FOXM1: variants seen among roughly 807,000 people sequenced by gnomAD.
FOXM1 encodes forkhead box M1, also known as forkhead box protein M1.
Under a neutral mutation model 63.6 loss-of-function variants are expected in FOXM1, and 25 were observed. The observed-to-expected ratio is 0.39, with a 90% CI of 0.29 to 0.55. The LOEUF is 0.55. Ranked by LOEUF, FOXM1 falls within the 20% of genes least tolerant of loss-of-function variation. The pLI, the probability that FOXM1 is intolerant of heterozygous loss-of-function variation, is 0.60. For synonymous variants in FOXM1, 387 were observed against 376.9 expected (o/e 1.03, Z -0.31); for missense variants, 879 against 958.7 (o/e 0.92, Z 1.10).
chr12:2,871,961 T>C (rs1165090686), intron 3 of FOXM1, 135 bp downstream of exon 3: 2 of 940,200 alleles, frequency 2.1e-6, no homozygotes, highest in Non-Finnish European at 3.4e-6. Flanking sequence ...TCAAAAGTTA[T>C]GCAGAATAGC....
intron 4 of FOXM1, among the ~76,000 whole-genome samples, chr12:2,867,755 C>T (rs2098125985): frequency 6.6e-6 from 1 of 150,804 alleles, no homozygotes; most frequent in Non-Finnish European, 1.5e-5. Flanking sequence ...ACGGGTGGAT[C>T]ATTTGAGGTT....
At chr12:2,871,946 A>G (rs2098133915) in intron 3 of FOXM1, 150 bp downstream of exon 3, 2 of 871,582 alleles carry the variant, frequency 2.3e-6, no homozygotes, top group South Asian at 2.8e-5. Context: ...AGGCAGAAAA[A>G]TAGCTCAAAA....
intron 1 of FOXM1, chr12:2,876,343 A>C (rs942565198): frequency 2.6e-5 from 4 of 151,872 alleles, no homozygotes; most frequent in African/African-American, 7.3e-5. Context: ...CTCTTTTTCC[A>C]CAGGATATCT....
Position 2,864,620 on chromosome 12 carries a change from G to T in FOXM1, c.1090+63C>A, listed in dbSNP as rs941327983. 17 of 1,591,650 alleles carry T rather than the reference G, an allele frequency of 1.1e-5. No homozygotes were observed. The highest frequency in any genetic ancestry group is 1.5e-5 in the Non-Finnish European group (17 of 1,159,988). Reference sequence around the variant, plus strand: ...AGGTGGGAACAGAATCCCAGAGTCTGGTTCCCTAAAGATATGGCCCCAGAA... The same window carrying T: ...AGGTGGGAACAGAATCCCAGAGTCTTGTTCCCTAAAGATATGGCCCCAGAA... On this transcript the variant is annotated intron_variant, in intron 7 of 8. Transcript: ENST00000359843. The surrounding 1 kb of genome is among the most constrained non-coding windows in gnomAD (Gnocchi z 5.1).
At chr12:2,863,193 A>G (rs1314855836) in intron 8 of FOXM1, among the ~76,000 whole-genome samples, 1 of 151,912 alleles carries the variant, frequency 6.6e-6, no homozygotes, top group Non-Finnish European at 1.5e-5. Context: ...ACTGCTAAAC[A>G]CCCTTCAGTG....
chr12:2,871,691 C>T (rs1312175151), intron 3 of FOXM1, among the ~76,000 whole-genome samples: 1 of 151,996 alleles, frequency 6.6e-6, no homozygotes, highest in African/African-American at 2.4e-5. Context: ...ATATAACTGA[C>T]TTTATCTGCT....
At chr12:2,870,514 T>C (rs1047553344) in intron 3 of FOXM1, among the ~76,000 whole-genome samples, 6 of 151,392 alleles carry the variant, frequency 4.0e-5, no homozygotes, top group African/African-American at 1.2e-4. Flanking sequence ...AATAAAAAAA[T>C]TAGCCGGGCG....
rs202090024 is a variant in FOXM1 at position 2,859,097 on chromosome 12, G to C, written c.1833C>G (p.Thr611=). 3.7e-6 allele frequency: 6 copies of C among 1,606,858 alleles called. No homozygotes were observed. Among genetic ancestry groups the C allele is most frequent in the Non-Finnish European group, 5.1e-6 (6 of 1,177,384 alleles). Residue 611 remains threonine (T), a synonymous_variant, in exon 9 of 9, where the codon ACC becomes ACG. Coordinates refer to ENST00000359843, the MANE Select transcript of FOXM1 (RefSeq NM_021953.4). ...TTCTGGGGAGGACAGATTTGCTCGG[G>C]GTGGAGGAGATGGGCAGCGTTTCCT... ...PIKETLPISS[T]PSKSVLPRTP...
chr12:2,862,932 G>A (rs887990898), intron 8 of FOXM1, among the ~76,000 whole-genome samples: 26 of 151,962 alleles, frequency 1.7e-4, no homozygotes, highest in African/African-American at 6.0e-4. Context: ...AGGGGATGGG[G>A]GAAGCTTTTC....
At chr12:2,875,056 G>A (rs1285114478) in intron 1 of FOXM1, among the ~76,000 whole-genome samples, 1 of 144,930 alleles carries the variant, frequency 6.9e-6, no homozygotes, top group Non-Finnish European at 1.5e-5. Flanking sequence ...GCAGTGGCAC[G>A]ATCTCAGTTC....
rs933135842 is a variant in FOXM1 at position 2,859,668 on chromosome 12, A to G, written c.1267-5T>C. 1.9e-6 allele frequency: 3 copies of G among 1,599,040 alleles called. No homozygotes were observed. The African/African-American group carries it at 4.0e-5, about 21-fold the overall frequency. ...CCCCTCCTCAGCTAGCAGCACCTGA[A>G]AGGGAAACAGAGATAAGGTGAACCA... On this transcript the variant is annotated splice_polypyrimidine_tract_variant and splice_region_variant and intron_variant, in intron 8 of 8. Transcript: ENST00000359843.
chr12:2,873,355 C>G lies in FOXM1; in HGVS notation c.502+622G>C, dbSNP rs148727289. On this transcript the variant is annotated intron_variant, in intron 2 of 8. Transcript: ENST00000359843. Reference sequence around the variant, plus strand: ...TGGAGATTGCAGTGAGCTGAGATTGCACCACTGCACTACAGCTTGGGCAAC... The same window carrying G: ...TGGAGATTGCAGTGAGCTGAGATTGGACCACTGCACTACAGCTTGGGCAAC... Among the ~76,000 whole-genome samples, 686 of 144,862 alleles carry G rather than the reference C, an allele frequency of 4.7e-3. 3 individuals are homozygous for G. Among genetic ancestry groups the G allele is most frequent in the African/African-American group, 0.017 (649 of 38,800 alleles).
chr12:2,862,319 A>G (rs181254996), intron 8 of FOXM1, among the ~76,000 whole-genome samples: 1 of 152,320 alleles, frequency 6.6e-6, no homozygotes, highest in East Asian at 1.9e-4. Context: ...TTGATAAAAT[A>G]TGCAAGAAAG....
chr12:2,875,926 A>T (rs868285031), intron 1 of FOXM1, among the ~76,000 whole-genome samples: 1 of 99,942 alleles, frequency 1.0e-5, no homozygotes, highest in African/African-American at 8.1e-5. Context: ...ATGCCCAGCT[A>T]ATTTTTTTTT....
In FOXM1 at chr12:2,872,836, C is replaced by A. The variant is rs1335442486; in HGVS notation, c.503-589G>T. 6.6e-6 allele frequency among the ~76,000 whole-genome samples: 1 copy of A among 151,892 alleles called. No homozygotes were observed. The highest frequency in any genetic ancestry group is 1.5e-5 in the Non-Finnish European group (1 of 68,004). The stretch of plus-strand genomic sequence containing the variant: ...TACAAAAGAATTATTGAGATATGCA[C>A]ACCAAAAAAGTCACTTTTCAGCCTG... On this transcript the variant is annotated intron_variant, in intron 2 of 8. Coordinates refer to ENST00000359843, the MANE Select transcript of FOXM1 (RefSeq NM_021953.4). The surrounding 1 kb of genome is among the most constrained non-coding windows in gnomAD (Gnocchi z 4.0).
rs754712516 is a variant in FOXM1, at chr12:2,873,999, G to C, written c.480C>G (p.Cys160Trp). The C allele has an allele frequency of 6.2e-7, 1 of 1,612,744 alleles. No individual in the cohort carries two copies. The highest frequency in any genetic ancestry group is 1.7e-5 in the Admixed American group (1 of 59,930). The change falls in exon 2 of 9, where the codon TGC becomes TGG. Residue 160 changes from cysteine (C) to tryptophan (W), a missense_variant. Cys to Trp is a radical substitution (Grantham distance 215, BLOSUM62 -2). Around this residue, in one of 4 missense-constraint regions of FOXM1, gnomAD observed 255 missense variants for 292.4 expected, o/e 0.87. Coordinates refer to ENST00000359843, the MANE Select transcript of FOXM1 (RefSeq NM_021953.4). ...VNLPRPPGALCEQKRETCADG... is the reference protein window; with the variant it reads ...VNLPRPPGALWEQKRETCADG... ...TACCACAGGTCTCCCGTTTCTGCTC[G>C]CAAAGGGCTCCAGGTGGTCTAGGAA...
At chr12:2,869,430 C>T (rs918253079) in intron 3 of FOXM1, among the ~76,000 whole-genome samples, 2 of 151,314 alleles carry the variant, frequency 1.3e-5, no homozygotes, top group Non-Finnish European at 2.9e-5. Context: ...CCACCACGCC[C>T]AGCTAATTTT....
intron 8 of FOXM1, among the ~76,000 whole-genome samples, chr12:2,861,056 T>C (rs1183858131): frequency 6.6e-6 from 1 of 150,876 alleles, no homozygotes; most frequent in Non-Finnish European, 1.5e-5. Context: ...TAATCCCAGC[T>C]ACTTGGGAGG....
chr12:2,864,743 G>A lies in FOXM1; in HGVS notation c.1030C>T (p.Arg344Ter), dbSNP rs752962627. The A allele has an allele frequency of 6.2e-7, 1 of 1,614,182 alleles. No homozygotes were observed. The highest frequency in any genetic ancestry group is 1.1e-5 in the South Asian group (1 of 91,082). Residue 344 changes from arginine (R) to a stop codon, truncating the protein, a stop_gained, in exon 7 of 9, where the codon CGA becomes TGA. Coordinates refer to ENST00000359843, the MANE Select transcript of FOXM1 (RefSeq NM_021953.4). LOFTEE classifies it high-confidence loss of function. The surrounding 1 kb of genome is among the most constrained non-coding windows in gnomAD (Gnocchi z 5.1). ...TTCCGGCGGAGCTCTGGATTCGGTC[G>A]TTTCTGCTGCTGCTTGTGGCAGATG... ...LPEHLESQQKRPNPELRRNMT... is the reference protein window; with the variant it reads ...LPEHLESQQK
Sources: allele counts gnomAD v4.1 joint callset (sites outside exome capture counted in the v4.1 genomes callset), GRCh38; gene constraint gnomAD v4.1.1; regional missense constraint gnomAD v4.1.1; non-coding constraint Gnocchi (gnomAD v3.1); transcripts MANE v1.5; gene names NCBI Gene and HGNC (gene_info 2026-07-23, HGNC 2026-07-21).